Variants in CPNE4 observed in about 807,000 individuals in gnomAD.
The protein encoded by CPNE4 is copine-4.
In CPNE4, 25 loss-of-function variants were observed where a neutral mutation model predicts 67.9. That is an observed-to-expected ratio of 0.37 (90% CI 0.27 to 0.51). The LOEUF (loss-of-function observed/expected upper bound fraction) is 0.51. Ranked by LOEUF, CPNE4 falls within the 20% of genes least tolerant of loss-of-function variation. The pLI is 0.93. For missense variants in CPNE4, 464 were observed against 690.8 expected, an observed-to-expected ratio of 0.67 and a Z score of 3.68; for synonymous variants, 242 against 244.9, an observed-to-expected ratio of 0.99 and a Z score of 0.11.
chr3:131,960,118 A>AGGGGAGAGGGAGGGAGGAGAGGGAGG (rs1166182199), intron 1 of CPNE4, among the ~76,000 whole-genome samples: 1 of 81,100 alleles, frequency 1.2e-5, no homozygotes, highest in African/African-American at 5.5e-5. Flanking sequence ...GCAGAGAAAG[A>AGGGGAGAGGGAGGGAGGAGAGGGAGG]GTGGAGAGGG....
rs565395999 is a variant in CPNE4 at position 131,983,877 on chromosome 3, A to C, written c.-2+50690T>G. The stretch of plus-strand genomic sequence containing the variant: ...TCAATTGATTTACATCTATGTGTCT[A>C]ATGTGCCCCAAGAGAGTCACTGTGT... On this transcript the variant is annotated intron_variant, in intron 1 of 15. Transcript: ENST00000429747. Among the ~76,000 whole-genome samples the C allele has an allele frequency of 6.6e-5, 10 of 152,302 alleles. No homozygotes were observed. In the East Asian group the frequency reaches 7.7e-4, roughly 12 times the overall value.
intron 2 of CPNE4, among the ~76,000 whole-genome samples, chr3:131,790,350 C>G (rs2083684042): frequency 1.3e-5 from 2 of 152,050 alleles, no homozygotes; most frequent in African/African-American, 4.8e-5. Context: ...AGCTGCTTAG[C>G]CAAAGCTCAC....
At chr3:131,944,852 G>A (rs747534590) in intron 1 of CPNE4, among the ~76,000 whole-genome samples, 1 of 152,266 alleles carries the variant, frequency 6.6e-6, no homozygotes, top group East Asian at 1.9e-4. Flanking sequence ...TCTCTGAGAT[G>A]TGCCAATGGA....
intron 2 of CPNE4, among the ~76,000 whole-genome samples, chr3:131,885,170 C>T (rs993580024): frequency 1.3e-5 from 2 of 152,082 alleles, no homozygotes; most frequent in African/African-American, 4.8e-5. Context: ...AAGGTCCAGG[C>T]TGAGGTGGTC....
chr3:132,016,763 C>T (rs553197926), intron 1 of CPNE4, among the ~76,000 whole-genome samples: 42 of 152,284 alleles, frequency 2.8e-4, no homozygotes, highest in African/African-American at 8.4e-4. Context: ...CAAATTGGTC[C>T]GTTCTCAGGA....
chr3:131,876,232 C>A (rs966495107), intron 2 of CPNE4, among the ~76,000 whole-genome samples: 1 of 135,158 alleles, frequency 7.4e-6, no homozygotes, highest in Non-Finnish European at 1.6e-5. Flanking sequence ...GAGCAAGACT[C>A]GGTCTCAAAA....
intron 1 of CPNE4, among the ~76,000 whole-genome samples, chr3:131,931,656 T>C (rs1038763955): frequency 2.0e-5 from 3 of 152,094 alleles, no homozygotes; most frequent in African/African-American, 7.2e-5. Context: ...ATTTCATCCC[T>C]GTCTTTGTTT....
intron 2 of CPNE4, among the ~76,000 whole-genome samples, chr3:131,854,757 G>A (rs762934645): frequency 4.6e-5 from 7 of 150,558 alleles, no homozygotes; most frequent in South Asian, 4.2e-4. Flanking sequence ...CTTTTCCTCC[G>A]TTCTTCCTTT....
intron 1 of CPNE4, among the ~76,000 whole-genome samples, chr3:131,924,765 T>C (rs1339090993): frequency 6.6e-6 from 1 of 152,098 alleles, no homozygotes; most frequent in Non-Finnish European, 1.5e-5. Context: ...ATAAAGGAAA[T>C]TAAACCCCTA....
chr3:131,837,727 A>C (rs2085613926), intron 2 of CPNE4, among the ~76,000 whole-genome samples: 1 of 152,042 alleles, frequency 6.6e-6, no homozygotes, highest in Non-Finnish European at 1.5e-5. Context: ...TACATGGAAA[A>C]ACTGGTGAAA....
intron 4 of CPNE4, among the ~76,000 whole-genome samples, chr3:131,699,117 C>G (rs1266821207): frequency 6.6e-6 from 1 of 152,052 alleles, no homozygotes; most frequent in Admixed American, 6.6e-5. Flanking sequence ...CATCCTCTAC[C>G]TTTTTCAAGG....
At chr3:131,924,590 T>A (rs2070842435) in intron 1 of CPNE4, among the ~76,000 whole-genome samples, 1 of 152,050 alleles carries the variant, frequency 6.6e-6, no homozygotes, top group Admixed American at 6.5e-5. Context: ...TTAAATAGAG[T>A]AAGGCTTGAA....
intron 15 of CPNE4, among the ~76,000 whole-genome samples, chr3:131,540,525 T>G (rs1935422505): frequency 6.6e-6 from 1 of 152,200 alleles, no homozygotes; most frequent in African/African-American, 2.4e-5. Flanking sequence ...CAGTCAAGTA[T>G]GTATGGGGGT....
intron 7 of CPNE4, among the ~76,000 whole-genome samples, chr3:131,608,987 C>A (rs920228592): frequency 6.6e-6 from 1 of 152,096 alleles, no homozygotes; most frequent in African/African-American, 2.4e-5. Flanking sequence ...TTCTCTCCAA[C>A]TTTTTCTAGA....
At chr3:131,959,716 AC>A (rs1254990300) in intron 1 of CPNE4, among the ~76,000 whole-genome samples, 1 of 152,124 alleles carries the variant, frequency 6.6e-6, no homozygotes, top group African/African-American at 2.4e-5. Flanking sequence ...AAATAAGGGG[AC>A]GTTGTACCAA....
At chr3:132,014,838 G>A (rs1367403060) in intron 1 of CPNE4, among the ~76,000 whole-genome samples, 1 of 152,134 alleles carries the variant, frequency 6.6e-6, no homozygotes, top group Admixed American at 6.5e-5. Flanking sequence ...ATCATGTTAG[G>A]AGAAAGTCGT....
At chr3:131,976,799 C>CT (rs554656660) in intron 1 of CPNE4, among the ~76,000 whole-genome samples, 140 of 146,154 alleles carry the variant, frequency 9.6e-4, no homozygotes, top group Admixed American at 1.0e-3. Context: ...CATTATCATT[C>CT]TTTTTTTTTT....
At chr3:131,782,964 T>C (rs1191508820) in intron 2 of CPNE4, among the ~76,000 whole-genome samples, 2 of 152,130 alleles carry the variant, frequency 1.3e-5, no homozygotes, top group South Asian at 2.1e-4. Context: ...GTTATAGTTG[T>C]CAAGGAGACA....
rs1435371605 is a variant in CPNE4, at chr3:131,592,226, G to C, written c.682-4644C>G. Among the ~76,000 whole-genome samples, 8 of 152,142 alleles carry C rather than the reference G, an allele frequency of 5.3e-5. No individual in the cohort carries two copies. The East Asian group carries it at 1.5e-3, about 29-fold the overall frequency. ...CGTACTATGTGCCAGACATTGTTCA[G>C]AGCACTTCATACATATTAACTCCCT... is the stretch of plus-strand genomic sequence containing the variant. On this transcript the variant is annotated intron_variant, in intron 7 of 15. Transcript: ENST00000429747.
Sources: gnomAD v4.1 joint callset for allele counts (sites outside exome capture counted in the v4.1 genomes callset) on GRCh38, gnomAD v4.1.1 for gene constraint, MANE v1.5 for transcripts, NCBI Gene and HGNC (gene_info 2026-07-23, HGNC 2026-07-21) for gene names.